Variants in TMEM229B observed in about 807,000 individuals in gnomAD.
TMEM229B encodes transmembrane protein 229B.
Under a neutral mutation model 13.7 loss-of-function variants are expected in TMEM229B, and 6 were observed. The observed-to-expected ratio is 0.44, with a 90% CI of 0.24 to 0.86. The LOEUF is 0.86. Ranked by LOEUF, TMEM229B falls within the 40% of genes least tolerant of loss-of-function variation. TMEM229B has a pLI of 0.23. For synonymous variants in TMEM229B, 107 were observed against 102.1 expected, an observed-to-expected ratio of 1.05 and a Z score of -0.29; for missense variants, 170 against 236.0, an observed-to-expected ratio of 0.72 and a Z score of 1.83.
upstream of TMEM229B, among the ~76,000 whole-genome samples, chr14:67,519,405 G>A (rs140516650): frequency 1.6e-4 from 24 of 152,288 alleles, no homozygotes; most frequent in Middle Eastern, 0.017. Context: ...GGGTCTCCTC[G>A]GGGCTGTCCT....
chr14:67,503,435 G>C (rs1034200253), intron 1 of TMEM229B: 1 of 152,258 alleles, frequency 6.6e-6, no homozygotes, highest in African/African-American at 2.4e-5. Context: ...GTTTGGAAAA[G>C]CGTGTAAAGG....
upstream of TMEM229B, among the ~76,000 whole-genome samples, chr14:67,515,976 A>G (rs970412725): frequency 3.6e-4 from 55 of 152,216 alleles, no homozygotes; most frequent in Non-Finnish European, 7.8e-4. Context: ...TTTGCTTTAT[A>G]CCATAAAGGT....
At chr14:67,532,137 G>A (rs1193751518) in intron 1 of TMEM229B, among the ~76,000 whole-genome samples, 2 of 152,096 alleles carry the variant, frequency 1.3e-5, no homozygotes, top group Non-Finnish European at 2.9e-5. Flanking sequence ...CTCACGTTTG[G>A]CCTCCTGCAC....
At chr14:67,489,849 G>A (rs2032088211), upstream of TMEM229B, among the ~76,000 whole-genome samples, 1 of 152,182 alleles carries the variant, frequency 6.6e-6, no homozygotes. Flanking sequence ...AATTAGCCAG[G>A]TGTGATGGTG....
intron 1 of TMEM229B, chr14:67,533,621 C>T (rs2033561994): frequency 6.6e-6 from 1 of 152,142 alleles, no homozygotes; most frequent in Non-Finnish European, 1.5e-5. Context: ...CAGGAGGAGC[C>T]TCCCCCGGGA....
intron 1 of TMEM229B, among the ~76,000 whole-genome samples, chr14:67,521,484 G>C (rs2033290275): frequency 6.6e-6 from 1 of 152,120 alleles, no homozygotes; most frequent in Non-Finnish European, 1.5e-5. Flanking sequence ...GGGGTAGGTA[G>C]GTACTTTCAT....
intron 1 of TMEM229B, among the ~76,000 whole-genome samples, chr14:67,520,766 C>G: frequency 6.6e-6 from 1 of 152,236 alleles, no homozygotes; most frequent in African/African-American, 2.4e-5. Flanking sequence ...AAGAATAAAG[C>G]TGCTATAAAC....
At chr14:67,480,801 C>T (rs1303768129) in intron 2 of TMEM229B, among the ~76,000 whole-genome samples, 1 of 152,184 alleles carries the variant, frequency 6.6e-6, no homozygotes, top group Non-Finnish European at 1.5e-5. Flanking sequence ...TGACTTTAAA[C>T]CCTGCTCTTC....
chr14:67,490,614 T>C (rs2032131105), upstream of TMEM229B, among the ~76,000 whole-genome samples: 1 of 152,214 alleles, frequency 6.6e-6, no homozygotes, highest in East Asian at 1.9e-4. Flanking sequence ...TCTCCTTTCC[T>C]ATAACTATTT....
chr14:67,474,939 G>A (rs541334092), intron 2 of TMEM229B, among the ~76,000 whole-genome samples: 63 of 126,390 alleles, frequency 5.0e-4, no homozygotes, highest in Admixed American at 2.6e-3. Flanking sequence ...TTTTTGTGAC[G>A]GAGTCTCGCT....
intron 1 of TMEM229B, among the ~76,000 whole-genome samples, chr14:67,532,023 C>A (rs1489381004): frequency 6.6e-6 from 1 of 151,922 alleles, no homozygotes. Flanking sequence ...AAGTGGATAG[C>A]CTGAGCATTG....
chr14:67,492,190 G>A (rs756077813), upstream of TMEM229B, among the ~76,000 whole-genome samples: 2 of 152,018 alleles, frequency 1.3e-5, no homozygotes, highest in African/African-American at 2.4e-5. Flanking sequence ...GTGGTCTCTG[G>A]TCCCACGTCT....
At chr14:67,491,918 G>A (rs138311609), upstream of TMEM229B, among the ~76,000 whole-genome samples, 1,924 of 152,318 alleles carry the variant, frequency 0.013, 25 homozygotes, top group Non-Finnish European at 0.015. Context: ...GCATGGGGAA[G>A]GTGCATGGAG....
chr14:67,527,239 A>C (rs1250191887), intron 1 of TMEM229B, among the ~76,000 whole-genome samples: 1 of 152,180 alleles, frequency 6.6e-6, no homozygotes, highest in Non-Finnish European at 1.5e-5. Flanking sequence ...CTTGCTTGCT[A>C]TCTGAGCTTA....
At chr14:67,507,130 A>G (rs2032856510) in intron 1 of TMEM229B, among the ~76,000 whole-genome samples, 1 of 152,202 alleles carries the variant, frequency 6.6e-6, no homozygotes, top group Non-Finnish European at 1.5e-5. Context: ...CCTTTCAGGT[A>G]GTTAGGGCAA....
At chr14:67,493,720 A>C (rs7157858), upstream of TMEM229B, among the ~76,000 whole-genome samples, 13,224 of 152,036 alleles carry the variant, frequency 0.087, 609 homozygotes, top group African/African-American at 0.11. Flanking sequence ...GGATGGATAC[A>C]TGCTCCAATC....
chr14:67,474,113 G>T (rs1353468229), intron 2 of TMEM229B, among the ~76,000 whole-genome samples, 172 bp from the exon 3 acceptor site: 2 of 152,112 alleles, frequency 1.3e-5, no homozygotes, highest in African/African-American at 4.8e-5. Context: ...TTAGCCTGGC[G>T]TGGTGGCCCG....
At chr14:67,503,065 T>C (rs2032676052) in intron 1 of TMEM229B, among the ~76,000 whole-genome samples, 1 of 152,110 alleles carries the variant, frequency 6.6e-6, no homozygotes, top group Admixed American at 6.6e-5. Flanking sequence ...GACAAGCAGA[T>C]AACCGCACGC....
intron 1 of TMEM229B, among the ~76,000 whole-genome samples, chr14:67,494,667 G>A (rs2032297519): frequency 6.6e-6 from 1 of 152,228 alleles, no homozygotes; most frequent in Non-Finnish European, 1.5e-5. Flanking sequence ...CCACCCTCCT[G>A]TCCACAGCCG....
Sources: gnomAD v4.1 joint callset for allele counts (sites outside exome capture counted in the v4.1 genomes callset) on GRCh38, gnomAD v4.1.1 for gene constraint, MANE v1.5 for transcripts, NCBI Gene and HGNC (gene_info 2026-07-23, HGNC 2026-07-21) for gene names.